MGST1: variants seen among roughly 807,000 people sequenced by gnomAD.
The protein encoded by MGST1 is microsomal glutathione S-transferase 1.
Under a neutral mutation model 8.9 loss-of-function variants are expected in MGST1, and 5 were observed. The observed-to-expected ratio is 0.56, with a 90% CI of 0.29 to 1.19. MGST1 has a LOEUF of 1.19. Ranked by LOEUF, MGST1 falls within the 50% of genes most tolerant of loss-of-function variation. The pLI is 0.08. For synonymous variants in MGST1, 54 were observed against 67.8 expected (o/e 0.80, Z 1.00); for missense variants, 182 against 187.4 (o/e 0.97, Z 0.17).
intron 3 of MGST1, among the ~76,000 whole-genome samples, chr12:16,358,638 C>T (rs112032753): frequency 0.25 from 38,190 of 151,514 alleles, 5,234 homozygotes; most frequent in East Asian, 0.39. Context: ...AGCTAATTTT[C>T]TGTATTTTCA....
Position 16,575,839 on chromosome 12 carries a change from G to T in MGST1, n.483-13689G>T, listed in dbSNP as rs150762585. Reference sequence around the variant, plus strand: ...TAAATTCTTCACTTTCTACTCACCAGGGCCTTACAGTCTAGTTCTCCCTAC... The same window carrying T: ...TAAATTCTTCACTTTCTACTCACCATGGCCTTACAGTCTAGTTCTCCCTAC... On this transcript the variant is annotated intron_variant and non_coding_transcript_variant, in intron 4 of 4. Coordinates refer to the MGST1 transcript ENST00000538857. 6.5e-3 allele frequency among the ~76,000 whole-genome samples: 988 copies of T among 152,060 alleles called. 12 individuals carry two copies. Among genetic ancestry groups the T allele is most frequent in the African/African-American group, 0.023 (954 of 41,452 alleles).
rs1383836035 is a variant in MGST1, at chr12:16,347,902, A to C, written c.-23+192A>C. On this transcript the variant is annotated intron_variant, in intron 1 of 3. Coordinates refer to ENST00000396210, the MANE Select transcript of MGST1 (RefSeq NM_020300.5). This position sits in a 1 kb window ranked among gnomAD's most constrained non-coding sequence, Gnocchi z 4.0. Reference sequence around the variant, plus strand: ...TTGTATTTCTGTCCCCGTGCGGGTAAGTTTTCCCATTTCTCAAACTCCAGG... The same window carrying C: ...TTGTATTTCTGTCCCCGTGCGGGTACGTTTTCCCATTTCTCAAACTCCAGG... The C allele has an allele frequency of 2.0e-5, 3 of 152,202 alleles. No homozygotes were observed. Among genetic ancestry groups the C allele is most frequent in the Non-Finnish European group, 4.4e-5 (3 of 68,044 alleles). The allele number at this position is 152,202 out of a possible 1,614,324, so 9.4% of individuals were successfully genotyped here.
intron 1 of MGST1, chr12:16,399,148 C>T (rs939560891): frequency 4.2e-5 from 41 of 975,636 alleles, no homozygotes; most frequent in East Asian, 7.2e-5. Context: ...AAATGGCCCC[C>T]GAAACCCATA....
At chr12:16,486,664 G>T (rs1207497249) in intron 4 of MGST1, among the ~76,000 whole-genome samples, 1 of 152,154 alleles carries the variant, frequency 6.6e-6, no homozygotes, top group Non-Finnish European at 1.5e-5. Flanking sequence ...CCTGGAAAAC[G>T]AGTTGGGCTC....
intron 4 of MGST1, among the ~76,000 whole-genome samples, chr12:16,557,661 T>C (rs1320950595): frequency 1.3e-5 from 2 of 152,128 alleles, no homozygotes; most frequent in African/African-American, 4.8e-5. Context: ...TAGTGGACTA[T>C]TATTTGGTAA....
chr12:16,510,373 A>C (rs527817234), intron 4 of MGST1, among the ~76,000 whole-genome samples: 1 of 152,374 alleles, frequency 6.6e-6, no homozygotes, highest in East Asian at 1.9e-4. Context: ...TTTTCCTCAC[A>C]AACTTTGCCA....
intron 4 of MGST1, among the ~76,000 whole-genome samples, chr12:16,453,669 AGT>A (rs1411028304): frequency 1.1e-4 from 17 of 151,932 alleles, no homozygotes; most frequent in Admixed American, 1.1e-3. Flanking sequence ...TTCTGAGGAC[AGT>A]GAGGAAGTGT....
chr12:16,480,404 G>A (rs901312188), intron 4 of MGST1, among the ~76,000 whole-genome samples: 13 of 152,104 alleles, frequency 8.5e-5, no homozygotes, highest in Admixed American at 7.2e-4. Flanking sequence ...ATCTCCCAAA[G>A]TGCTGGGATT....
rs1940253896 is a variant in MGST1 at position 16,369,462 on chromosome 12, T to C, written c.222-6660T>C. Reference sequence around the variant, plus strand: ...ATCTGGAAATTGGCTGAAACTTGGCTGATTCAGAAAGATCTCAACTAGGGT... The same window carrying C: ...ATCTGGAAATTGGCTGAAACTTGGCCGATTCAGAAAGATCTCAACTAGGGT... On this transcript the variant is annotated intron_variant, in intron 3 of 3. Coordinates refer to the MGST1 transcript ENST00000535309. The surrounding 1 kb of genome is among the most constrained non-coding windows in gnomAD (Gnocchi z 4.8). Among the ~76,000 whole-genome samples, 1 of 152,164 alleles carries C rather than the reference T, an allele frequency of 6.6e-6. No homozygotes were observed. The highest frequency in any genetic ancestry group is 2.1e-4 in the South Asian group (1 of 4,826).
intron 4 of MGST1, among the ~76,000 whole-genome samples, chr12:16,543,304 A>G (rs1215510055): frequency 6.6e-6 from 1 of 152,168 alleles, no homozygotes; most frequent in East Asian, 1.9e-4. Flanking sequence ...TTTTGAGACC[A>G]AAAGAAGGCA....
chr12:16,421,688 C>T (rs1940837204), intron 1 of MGST1, among the ~76,000 whole-genome samples: 1 of 152,102 alleles, frequency 6.6e-6, no homozygotes, highest in African/African-American at 2.4e-5. Flanking sequence ...GACGTATATT[C>T]ACTTTTATAT....
Position 16,401,493 on chromosome 12 carries a change from T to C in MGST1, n.778+17889T>C. ...CATGTCTTAATTCCTTCAGCAGCTCTTCTTGAAGCTGGAGTAAAAAGTTGT... is the reference window on the plus strand; with the variant it reads ...CATGTCTTAATTCCTTCAGCAGCTCCTCTTGAAGCTGGAGTAAAAAGTTGT... On this transcript the variant is annotated intron_variant and non_coding_transcript_variant, in intron 1 of 1. Coordinates refer to the MGST1 transcript ENST00000359720. This position sits in a 1 kb window ranked among gnomAD's most constrained non-coding sequence, Gnocchi z 4.3. 1 of 847,514 alleles carries C rather than the reference T, an allele frequency of 1.2e-6. No homozygotes were observed. Among genetic ancestry groups the C allele is most frequent in the South Asian group, 1.4e-5 (1 of 70,200 alleles). The allele number at this position is 847,514 out of a possible 1,614,324, so 52.5% of individuals were successfully genotyped here.
intron 1 of MGST1, among the ~76,000 whole-genome samples, chr12:16,385,911 T>C (rs1940500519): frequency 6.6e-6 from 1 of 152,006 alleles, no homozygotes; most frequent in African/African-American, 2.4e-5. Flanking sequence ...AACTAGAGAG[T>C]ATTGAAGTAA....
chr12:16,538,890 G>T (rs1485852586), intron 4 of MGST1, among the ~76,000 whole-genome samples: 1 of 152,066 alleles, frequency 6.6e-6, no homozygotes, highest in Non-Finnish European at 1.5e-5. Context: ...TTACAGGCAT[G>T]AGCCACTGCA....
intron 4 of MGST1, among the ~76,000 whole-genome samples, chr12:16,501,502 A>G (rs1941506232): frequency 6.6e-6 from 1 of 152,204 alleles, no homozygotes. Flanking sequence ...ATGAAAACCT[A>G]TTTGGTGTAG....
rs1491522837 is a variant in MGST1, at chr12:16,469,177, CCT to C, written n.482+85574_482+85575del. On this transcript the variant is annotated intron_variant and non_coding_transcript_variant, in intron 4 of 4. Transcript: ENST00000538857. ...GACATAACATGCATAATGCTCTATT[CCT>C]TTTTTTTTTTTTTTTTTTTTTGGAG... Among the ~76,000 whole-genome samples, 56 of 111,392 alleles carry C rather than the reference CCT, an allele frequency of 5.0e-4. No individual in the cohort carries two copies. The South Asian group carries it at 0.017, about 33-fold the overall frequency. 73.1% of individuals were successfully genotyped at this position (111,392 alleles called of 152,430 possible). A position where few individuals can be genotyped will look rare whatever the true frequency, so the allele number is the denominator to read the frequency against.
chr12:16,359,126 G>A (rs184421913), intron 3 of MGST1, among the ~76,000 whole-genome samples: 5 of 152,216 alleles, frequency 3.3e-5, no homozygotes, highest in Admixed American at 6.5e-5. Context: ...GTGCAGAGGC[G>A]TTTACACTGT....
At chr12:16,426,573 A>T (rs556644819) in intron 1 of MGST1, among the ~76,000 whole-genome samples, 1 of 152,338 alleles carries the variant, frequency 6.6e-6, no homozygotes, top group South Asian at 2.1e-4. Context: ...ACTTCTTGAT[A>T]GTGTTCAATT....
At chr12:16,443,290 A>G (rs1941052980), downstream of MGST1, among the ~76,000 whole-genome samples, 1 of 151,788 alleles carries the variant, frequency 6.6e-6, no homozygotes, top group East Asian at 1.9e-4. Context: ...GACCTTTTAA[A>G]ATATATCTAA....
Sources: allele counts gnomAD v4.1 joint callset (sites outside exome capture counted in the v4.1 genomes callset), GRCh38; gene constraint gnomAD v4.1.1; non-coding constraint Gnocchi (gnomAD v3.1); transcripts MANE v1.5; gene names NCBI Gene and HGNC (gene_info 2026-07-23, HGNC 2026-07-21).